Variants in RNF44 observed in about 807,000 individuals in gnomAD.
The protein encoded by RNF44 is ring finger protein 44.
Under a neutral mutation model 53.6 loss-of-function variants are expected in RNF44, and 25 were observed. The ratio of observed to expected loss-of-function variants is 0.47; its 90% CI spans 0.34 to 0.65. RNF44 has a LOEUF of 0.65. Among genes scored for constraint, RNF44 ranks in the 30% least tolerant of loss-of-function variants. The pLI is 0.01. For missense variants in RNF44, 581 were observed against 595.5 expected, an observed-to-expected ratio of 0.98 and a Z score of 0.25; for synonymous variants, 282 against 252.2, an observed-to-expected ratio of 1.12 and a Z score of -1.12.
Position 176,531,385 on chromosome 5 carries a change from T to C in RNF44, c.465+78A>G. ...TGGATAGCTCAGCCCAGTTCAGGGC[T>C]GCCCTGGGCCCGCTGAGCCGCTGGC... On this transcript the variant is annotated intron_variant, in intron 4 of 10. Transcript: ENST00000274811. This position sits in a 1 kb window ranked among gnomAD's most constrained non-coding sequence, Gnocchi z 4.2. 7.0e-7 allele frequency: 1 copy of C among 1,421,976 alleles called. No homozygotes were observed. The highest frequency in any genetic ancestry group is 9.5e-7 in the Non-Finnish European group (1 of 1,057,060). 88.1% of individuals were successfully genotyped at this position (1,421,976 alleles called of 1,614,324 possible).
chr5:176,533,744 C>T (rs1236554184), intron 1 of RNF44, among the ~76,000 whole-genome samples: 4 of 151,544 alleles, frequency 2.6e-5, no homozygotes, highest in African/African-American at 7.2e-5. Context: ...TGGAGGATGT[C>T]GAGGGACCTG....
rs1163738236 is a variant in RNF44, at chr5:176,531,245, G to C, written c.465+218C>G. On this transcript the variant is annotated intron_variant, in intron 4 of 10. Coordinates refer to ENST00000274811, the MANE Select transcript of RNF44 (RefSeq NM_014901.5). The surrounding 1 kb of genome is among the most constrained non-coding windows in gnomAD (Gnocchi z 4.2). ...CTCCTGGGCCTCTGCCAAGCTGTGA[G>C]GCAGGTACAGGGGTACTGGAAGGTT... Among the ~76,000 whole-genome samples, 1 of 152,272 alleles carries C rather than the reference G, an allele frequency of 6.6e-6. No individual in the cohort carries two copies. Among genetic ancestry groups the C allele is most frequent in the East Asian group, 1.9e-4 (1 of 5,204 alleles).
upstream of RNF44, among the ~76,000 whole-genome samples, chr5:176,542,299 G>T (rs1198737279): frequency 6.6e-6 from 1 of 152,078 alleles, no homozygotes; most frequent in Non-Finnish European, 1.5e-5. Flanking sequence ...AGTCAGTAAG[G>T]TCTGTGAGGC....
At chr5:176,530,020 A>G in intron 7 of RNF44, 62 bp downstream of exon 7, 1 of 1,446,952 alleles carries the variant, frequency 6.9e-7, no homozygotes, top group Non-Finnish European at 9.1e-7. Context: ...TTTAGGTCTA[A>G]CCACTGGAGG....
intron 2 of RNF44, 40 bp downstream of exon 2, chr5:176,532,326 C>A: frequency 2.5e-6 from 4 of 1,568,820 alleles, no homozygotes; most frequent in Non-Finnish European, 3.5e-6. Flanking sequence ...CCCTGCTGGC[C>A]CCCATGCCCC....
intron 1 of RNF44, 129 bp from the exon 2 acceptor site, chr5:176,532,645 A>G: frequency 1.5e-6 from 1 of 676,668 alleles, no homozygotes; most frequent in Non-Finnish European, 2.2e-6. Flanking sequence ...TGGGAGGCTG[A>G]GGCATGAGAA....
Position 176,532,023 on chromosome 5 carries a change from A to G in RNF44, c.278T>C (p.Met93Thr). The G allele has an allele frequency of 6.2e-7, 1 of 1,611,196 alleles. No homozygotes were observed. Among genetic ancestry groups the G allele is most frequent in the South Asian group, 1.1e-5 (1 of 90,740 alleles). Residue 93 changes from methionine (M) to threonine (T), a missense_variant, in exon 3 of 11, where the codon ATG becomes ACG. Transcript: ENST00000274811. ...GCCTACCTGCTCGTGGAGATCAACCATGAACGGGCTCTGCTGGGTGGCTGG... is the reference window on the plus strand; with the variant it reads ...GCCTACCTGCTCGTGGAGATCAACCGTGAACGGGCTCTGCTGGGTGGCTGG... Reference protein sequence around the residue: ...LHPATQQSPFMVDLHEQVHQG... With the variant: ...LHPATQQSPFTVDLHEQVHQG...
intron 7 of RNF44, 56 bp from the exon 8 acceptor site, chr5:176,529,874 A>G: frequency 6.8e-7 from 1 of 1,479,836 alleles, no homozygotes; most frequent in Non-Finnish European, 9.1e-7. Flanking sequence ...GGGCACACAG[A>G]GCCGCTCTCC....
chr5:176,536,881 G>A (rs1650085596), intron 1 of RNF44, 59 bp downstream of exon 1: 1 of 152,142 alleles, frequency 6.6e-6, no homozygotes. Flanking sequence ...CCCAGGGGAG[G>A]GGAACAGAAG....
At chr5:176,529,228 C>A (rs1258793699) in intron 10 of RNF44, 60 bp downstream of exon 10, 1 of 1,563,308 alleles carries the variant, frequency 6.4e-7, no homozygotes, top group East Asian at 2.2e-5. Flanking sequence ...ACAGCCCAGG[C>A]CAGCCCATCC....
upstream of RNF44, chr5:176,537,669 G>A (rs1346805224): frequency 6.6e-6 from 1 of 152,222 alleles, no homozygotes; most frequent in Non-Finnish European, 1.5e-5. Context: ...TCGCGCCTCT[G>A]AGGCTCAGTT....
upstream of RNF44, among the ~76,000 whole-genome samples, chr5:176,538,546 T>A (rs1757365500): frequency 6.6e-6 from 1 of 152,162 alleles, no homozygotes; most frequent in Non-Finnish European, 1.5e-5. Context: ...GAATAATGAA[T>A]ATTGGGTGCA....
chr5:176,533,265 G>A (rs1051939532), intron 1 of RNF44, among the ~76,000 whole-genome samples: 3 of 152,180 alleles, frequency 2.0e-5, no homozygotes, highest in African/African-American at 4.8e-5. Context: ...GTTCTAACCC[G>A]CTCCTGCCCT....
chr5:176,542,538 C>G (rs1300128746), upstream of RNF44: 1 of 152,132 alleles, frequency 6.6e-6, no homozygotes, highest in South Asian at 2.1e-4. Flanking sequence ...TCACATTGTT[C>G]AGTGATGAAA....
intron 1 of RNF44, among the ~76,000 whole-genome samples, chr5:176,534,740 C>T (rs1175827434): frequency 2.0e-5 from 3 of 152,216 alleles, no homozygotes; most frequent in Admixed American, 6.5e-5. Context: ...GTTTCCCCGG[C>T]GCCAACTTGG....
chr5:176,534,948 G>A (rs1561853782), intron 1 of RNF44, among the ~76,000 whole-genome samples: 1 of 152,208 alleles, frequency 6.6e-6, no homozygotes, highest in Non-Finnish European at 1.5e-5. Context: ...GCTGAGTAGT[G>A]CCAGGCCCAA....
intron 1 of RNF44, among the ~76,000 whole-genome samples, chr5:176,535,709 T>C (rs933608141): frequency 6.6e-6 from 1 of 152,162 alleles, no homozygotes; most frequent in Non-Finnish European, 1.5e-5. Context: ...CAGGCACCCA[T>C]CTTTAGCTCT....
At chr5:176,529,888 C>T (rs1343317993) in intron 7 of RNF44, 70 bp from the exon 8 acceptor site, 1 of 1,444,296 alleles carries the variant, frequency 6.9e-7, no homozygotes, top group Non-Finnish European at 9.3e-7. Context: ...GCTCTCCTGA[C>T]TCCCTCCTTG....
chr5:176,532,747 C>CAAAAAAAAAAAAAAA (rs3051911), intron 1 of RNF44, among the ~76,000 whole-genome samples: 2 of 72,602 alleles, frequency 2.8e-5, no homozygotes, highest in Admixed American at 1.9e-4. Context: ...ACTCCCGTCT[C>CAAAAAAAAAAAAAAA]AAAAAAAAAA....
Sources: allele counts gnomAD v4.1 joint callset (sites outside exome capture counted in the v4.1 genomes callset), GRCh38; gene constraint gnomAD v4.1.1; non-coding constraint Gnocchi (gnomAD v3.1); transcripts MANE v1.5; gene names NCBI Gene and HGNC (gene_info 2026-07-23, HGNC 2026-07-21).